Variants in TMEM163 observed in about 807,000 individuals in gnomAD.
TMEM163 encodes transmembrane protein 163.
A neutral mutation model predicts 29.3 loss-of-function variants in TMEM163; 17 were observed. The observed-to-expected ratio is 0.58, with a 90% CI of 0.40 to 0.87. The LOEUF is 0.87. Ranked by LOEUF, TMEM163 falls within the 40% of genes least tolerant of loss-of-function variation. The probability of loss-of-function intolerance (pLI) is 0.00; values close to 1 mark genes in which losing one functional copy is unlikely to be tolerated. For missense variants in TMEM163, 303 were observed against 381.5 expected (o/e 0.79, Z 1.71); for synonymous variants, 157 against 160.6 (o/e 0.98, Z 0.17).
At chr2:134,524,783 G>C (rs1012368636) in intron 4 of TMEM163, among the ~76,000 whole-genome samples, 6 of 150,188 alleles carry the variant, frequency 4.0e-5, no homozygotes, top group East Asian at 2.0e-4. Flanking sequence ...TGGGCATTTG[G>C]GTTGATTCCA....
At chr2:134,606,022 G>A (rs1489626106) in intron 2 of TMEM163, among the ~76,000 whole-genome samples, 1 of 152,160 alleles carries the variant, frequency 6.6e-6, no homozygotes, top group African/African-American at 2.4e-5. Flanking sequence ...AAACAATTGA[G>A]TATACGCGGG....
intron 1 of TMEM163, among the ~76,000 whole-genome samples, chr2:134,714,015 T>C (rs1299974375): frequency 6.6e-6 from 1 of 152,140 alleles, no homozygotes; most frequent in African/African-American, 2.4e-5. Flanking sequence ...AAACTAGAGG[T>C]AGCTTCCCAG....
chr2:134,680,703 T>C (rs1684211397), intron 2 of TMEM163, among the ~76,000 whole-genome samples: 1 of 152,134 alleles, frequency 6.6e-6, no homozygotes, highest in Non-Finnish European at 1.5e-5. Context: ...ACGGCCCCCA[T>C]CCCTGCTCAG....
intron 2 of TMEM163, among the ~76,000 whole-genome samples, chr2:134,712,987 C>T (rs933414012): frequency 2.0e-5 from 3 of 152,140 alleles, no homozygotes; most frequent in African/African-American, 4.8e-5. Flanking sequence ...AGCCAAGGCT[C>T]GCAGTCACTC....
intron 4 of TMEM163, among the ~76,000 whole-genome samples, chr2:134,546,878 T>C (rs1680801015): frequency 6.6e-6 from 1 of 152,032 alleles, no homozygotes; most frequent in African/African-American, 2.4e-5. Flanking sequence ...TTGTGTCACA[T>C]GCTACAAAAA....
chr2:134,598,920 CAA>C (rs796382637), intron 2 of TMEM163, among the ~76,000 whole-genome samples: 18 of 65,894 alleles, frequency 2.7e-4, no homozygotes, highest in Admixed American at 5.1e-4. Context: ...GACTCTATCT[CAA>C]AAAAAAAAAA....
intron 2 of TMEM163, among the ~76,000 whole-genome samples, chr2:134,644,443 C>T (rs961945751): frequency 3.3e-5 from 5 of 152,074 alleles, no homozygotes; most frequent in East Asian, 3.8e-4. Flanking sequence ...CAAAAACACC[C>T]GCAGAAATAT....
At chr2:134,563,813 G>T (rs190722994) in intron 2 of TMEM163, among the ~76,000 whole-genome samples, 7 of 152,288 alleles carry the variant, frequency 4.6e-5, no homozygotes, top group Non-Finnish European at 8.8e-5. Flanking sequence ...CCAGCACTTT[G>T]GGAGGCCAAG....
chr2:134,456,692 G>A lies in TMEM163; in HGVS notation c.*24C>T, dbSNP rs144575291. On this transcript the variant is annotated 3_prime_UTR_variant, in exon 8 of 8. Coordinates refer to ENST00000281924, the MANE Select transcript of TMEM163 (RefSeq NM_030923.5). ...TATGTGGAAACTCCTCATCTCGATG[G>A]TCTCATGCGGATGCTGGCCCCCTTC... 8.6e-4 allele frequency: 1,380 copies of A among 1,613,534 alleles called. 9 individuals carry two copies. The African/African-American group carries it at 0.016, about 19-fold the overall frequency.
chr2:134,704,096 G>A (rs1270870039), intron 2 of TMEM163, among the ~76,000 whole-genome samples: 1 of 152,050 alleles, frequency 6.6e-6, no homozygotes, highest in East Asian at 1.9e-4. Flanking sequence ...CTTTGGTGGG[G>A]CTGCCTCCAT....
chr2:134,490,254 G>A (rs1679401725), intron 5 of TMEM163, among the ~76,000 whole-genome samples: 1 of 152,210 alleles, frequency 6.6e-6, no homozygotes. Context: ...TGGCTAGCAG[G>A]CAGAAGCCAG....
chr2:134,597,070 T>C lies in TMEM163; in HGVS notation c.323-44979A>G, dbSNP rs533440725. On this transcript the variant is annotated intron_variant, in intron 2 of 7. Transcript: ENST00000281924. ...CATGTCATCTGCAAACAGGGACAAT[T>C]TGACTTCCTCTTTTCCTAATTGAAT... Among the ~76,000 whole-genome samples, 4 of 152,296 alleles carry C rather than the reference T, an allele frequency of 2.6e-5. No individual in the cohort carries two copies. In the South Asian group the frequency reaches 8.3e-4, roughly 32 times the overall value.
chr2:134,663,782 C>T (rs1212766928), intron 2 of TMEM163, among the ~76,000 whole-genome samples: 4 of 152,248 alleles, frequency 2.6e-5, no homozygotes, highest in Non-Finnish European at 5.9e-5. Context: ...GGCTGCCCAG[C>T]TAACAGGTGG....
intron 4 of TMEM163, among the ~76,000 whole-genome samples, chr2:134,521,380 G>A (rs958214603): frequency 2.0e-5 from 3 of 152,074 alleles, no homozygotes; most frequent in Non-Finnish European, 2.9e-5. Context: ...GAGAACAAGG[G>A]GTCATTTAGC....
intron 4 of TMEM163, among the ~76,000 whole-genome samples, chr2:134,536,070 G>T (rs1680534589): frequency 6.6e-6 from 1 of 152,134 alleles, no homozygotes; most frequent in Admixed American, 6.5e-5. Flanking sequence ...TAGACGGAGG[G>T]CGCACGCGTA....
rs1260515632 is a variant in TMEM163, at chr2:134,499,823, T to A, written c.555+3078A>T. ...GAGGTGTCACTCGGAGCTAAGTCTG[T>A]GACACAGAGGCCCTAAACACTGGTC... On this transcript the variant is annotated intron_variant, in intron 5 of 7. Transcript: ENST00000281924. Among the ~76,000 whole-genome samples the A allele has an allele frequency of 2.0e-5, 3 of 152,166 alleles. No homozygotes were observed. The East Asian group carries it at 5.8e-4, about 29-fold the overall frequency.
chr2:134,502,776 G>A (rs1283765671), intron 5 of TMEM163, 125 bp downstream of exon 5: 1 of 727,482 alleles, frequency 1.4e-6, no homozygotes, highest in Non-Finnish European at 2.2e-6. Context: ...AAGTTCTTCT[G>A]ACCCCCAGAA....
chr2:134,648,348 T>TTCTCTTCTCTTCTCTTC (rs1558977053), intron 2 of TMEM163, among the ~76,000 whole-genome samples: 29 of 151,900 alleles, frequency 1.9e-4, no homozygotes, highest in African/African-American at 2.4e-4. Flanking sequence ...TTCTCTTCTC[T>TTCTCTTCTCTTCTCTTC]GCTGTGTGGA....
At chr2:134,482,862 T>TCCC (rs557726355) in intron 5 of TMEM163, among the ~76,000 whole-genome samples, 16 of 152,042 alleles carry the variant, frequency 1.1e-4, no homozygotes, top group Non-Finnish European at 2.2e-4. Context: ...GCCAGAAAGT[T>TCCC]CCCCAGCCAA....
Sources: gnomAD v4.1 joint callset for allele counts (sites outside exome capture counted in the v4.1 genomes callset) on GRCh38, gnomAD v4.1.1 for gene constraint, MANE v1.5 for transcripts, NCBI Gene and HGNC (gene_info 2026-07-23, HGNC 2026-07-21) for gene names.